The following UBE2E1 variants were observed in gnomAD, a reference collection of about 807,000 sequenced individuals.
The protein encoded by UBE2E1 is ubiquitin conjugating enzyme E2 E1, also known as ubiquitin-conjugating enzyme E2 E1.
A neutral mutation model predicts 21.4 loss-of-function variants in UBE2E1; 6 were observed. The ratio of observed to expected loss-of-function variants is 0.28; its 90% CI spans 0.15 to 0.55. The LOEUF (loss-of-function observed/expected upper bound fraction) is 0.55, where lower values mean the gene tolerates loss of function less well. Ranked by LOEUF, UBE2E1 falls within the 20% of genes least tolerant of loss-of-function variation. The pLI, the probability that UBE2E1 is intolerant of heterozygous loss-of-function variation, is 0.93. For missense variants in UBE2E1, 142 were observed against 236.5 expected, an observed-to-expected ratio of 0.60 and a Z score of 2.62; for synonymous variants, 87 against 82.7, an observed-to-expected ratio of 1.05 and a Z score of -0.28.
chr3:23,814,361 A>G (rs1699465941), intron 3 of UBE2E1, among the ~76,000 whole-genome samples: 3 of 152,188 alleles, frequency 2.0e-5, no homozygotes, highest in Non-Finnish European at 4.4e-5. Context: ...TTGGGTGGAT[A>G]TTTTTTAGAA....
chr3:23,854,426 T>A (rs1700393427), intron 3 of UBE2E1, among the ~76,000 whole-genome samples: 1 of 152,164 alleles, frequency 6.6e-6, no homozygotes, highest in South Asian at 2.1e-4. Context: ...AGAGCCAGTC[T>A]CAAAATGAAG....
chr3:23,826,563 C>A lies in UBE2E1; in HGVS notation c.203+15053C>A, dbSNP rs75428841. 4.9e-3 allele frequency among the ~76,000 whole-genome samples: 741 copies of A among 152,272 alleles called. 6 individuals are homozygous for A. The highest frequency in any genetic ancestry group is 0.027 in the Middle Eastern group (8 of 294). On this transcript the variant is annotated intron_variant, in intron 3 of 5. Coordinates refer to ENST00000306627, the MANE Select transcript of UBE2E1 (RefSeq NM_003341.5). ...GGAACCTCAGCAGTCTGGGAGGCAGCTTGCCAGAACTCCTCCCAGCCCTCA... is the reference window on the plus strand; with the variant it reads ...GGAACCTCAGCAGTCTGGGAGGCAGATTGCCAGAACTCCTCCCAGCCCTCA...
chr3:23,807,205 T>C, intron 1 of UBE2E1, 32 bp from the exon 2 acceptor site: 1 of 1,534,906 alleles, frequency 6.5e-7, no homozygotes, highest in Non-Finnish European at 8.8e-7. Context: ...GCATGGTTTG[T>C]GTGTTTCTGT....
At chr3:23,833,265 A>G (rs1351868367) in intron 3 of UBE2E1, among the ~76,000 whole-genome samples, 1 of 152,096 alleles carries the variant, frequency 6.6e-6, no homozygotes, top group Non-Finnish European at 1.5e-5. Flanking sequence ...GCTTGTTCCT[A>G]ACCTTAAAAA....
At chr3:23,812,307 T>A (rs550054092) in intron 3 of UBE2E1, among the ~76,000 whole-genome samples, 1 of 152,284 alleles carries the variant, frequency 6.6e-6, no homozygotes, top group African/African-American at 2.4e-5. Flanking sequence ...AAAAATTAAG[T>A]ATAACATTTA....
chr3:23,821,538 A>T (rs1283007993), intron 3 of UBE2E1, among the ~76,000 whole-genome samples: 1 of 152,224 alleles, frequency 6.6e-6, no homozygotes, highest in Non-Finnish European at 1.5e-5. Context: ...GAGACCAGAA[A>T]GGAGGGTATT....
At chr3:23,875,524 T>G (rs1476128581) in intron 3 of UBE2E1, among the ~76,000 whole-genome samples, 1 of 152,198 alleles carries the variant, frequency 6.6e-6, no homozygotes, top group Admixed American at 6.5e-5. Context: ...TCCTTGTGCG[T>G]CACAAAAAGT....
intron 5 of UBE2E1, 51 bp downstream of exon 5, chr3:23,889,310 A>G: frequency 6.2e-7 from 1 of 1,611,098 alleles, no homozygotes; most frequent in East Asian, 2.2e-5. Flanking sequence ...CCTGAAAAAT[A>G]CTTGTTTCCA....
At chr3:23,875,197 C>T (rs550870378) in intron 3 of UBE2E1, among the ~76,000 whole-genome samples, 15 of 152,224 alleles carry the variant, frequency 9.9e-5, no homozygotes, top group African/African-American at 3.4e-4. Flanking sequence ...GTAAGACCTA[C>T]GATTGAATGA....
intron 3 of UBE2E1, among the ~76,000 whole-genome samples, chr3:23,855,698 T>C (rs554766729): frequency 3.9e-5 from 6 of 151,926 alleles, no homozygotes; most frequent in South Asian, 2.1e-4. Context: ...GGCGTGGTGG[T>C]GGGCGCCTGT....
Position 23,842,239 on chromosome 3 carries a change from GTGTGTGTGTGGTGT to G in UBE2E1, c.203+30733_203+30746del, listed in dbSNP as rs1559482437. Among the ~76,000 whole-genome samples, 8 of 72,292 alleles carry G rather than the reference GTGTGTGTGTGGTGT, an allele frequency of 1.1e-4. No homozygotes were observed. Among genetic ancestry groups the G allele is most frequent in the African/African-American group, 4.4e-4 (8 of 18,030 alleles). The allele number at this position is 72,292 out of a possible 152,430, so 47.4% of individuals were successfully genotyped here. A position where few individuals can be genotyped will look rare whatever the true frequency, so the allele number is the denominator to read the frequency against. On this transcript the variant is annotated intron_variant, in intron 3 of 5. Coordinates refer to ENST00000306627, the MANE Select transcript of UBE2E1 (RefSeq NM_003341.5). The surrounding 1 kb of genome is among the most constrained non-coding windows in gnomAD (Gnocchi z 4.6). ...TGTGTGTGTGTGTGTGTGTGTGTGT[GTGTGTGTGTGGTGT>G]TGTTGTTGTTGGCGACAGGGTCTCA...
At chr3:23,885,936 C>A (rs903186029) in intron 3 of UBE2E1, among the ~76,000 whole-genome samples, 3 of 152,090 alleles carry the variant, frequency 2.0e-5, no homozygotes, top group Non-Finnish European at 4.4e-5. Flanking sequence ...GTGGCTTACA[C>A]TTATAATCCC....
chr3:23,819,744 G>C (rs898552764), intron 3 of UBE2E1, among the ~76,000 whole-genome samples: 4 of 152,172 alleles, frequency 2.6e-5, no homozygotes, highest in Non-Finnish European at 5.9e-5. Flanking sequence ...GCTGTCCATT[G>C]CTGGCAGTCT....
intron 3 of UBE2E1, among the ~76,000 whole-genome samples, chr3:23,850,325 T>A (rs957244390): frequency 1.3e-5 from 2 of 152,116 alleles, no homozygotes; most frequent in African/African-American, 4.8e-5. Context: ...TTATTCCAGA[T>A]AAAAGTACTT....
chr3:23,885,792 G>A (rs1011550930), intron 3 of UBE2E1, among the ~76,000 whole-genome samples: 2 of 152,112 alleles, frequency 1.3e-5, no homozygotes, highest in African/African-American at 4.8e-5. Flanking sequence ...CCCGGGAGGC[G>A]GAGGTTGCAT....
chr3:23,842,246 T>TGTGTGTGTG lies in UBE2E1; in HGVS notation c.203+30739_203+30740insTGTGTGGTG, dbSNP rs759418034. On this transcript the variant is annotated intron_variant, in intron 3 of 5. Transcript: ENST00000306627. The surrounding 1 kb of genome is among the most constrained non-coding windows in gnomAD (Gnocchi z 4.6). ...GTGTGTGTGTGTGTGTGTGTGTGTG[T>TGTGTGTGTG]GTGGTGTTGTTGTTGTTGGCGACAG... is the stretch of plus-strand genomic sequence containing the variant. 8.2e-3 allele frequency among the ~76,000 whole-genome samples: 301 copies of TGTGTGTGTG among 36,738 alleles called. 4 individuals carry two copies. The highest frequency in any genetic ancestry group is 0.022 in the African/African-American group (276 of 12,738). 24.1% of individuals were successfully genotyped at this position (36,738 alleles called of 152,430 possible).
intron 2 of UBE2E1, 27 bp downstream of exon 2, chr3:23,807,448 G>A (rs201307853): frequency 6.3e-6 from 10 of 1,595,190 alleles, no homozygotes; most frequent in Admixed American, 1.9e-5. Context: ...TTTTTCCACA[G>A]GCTTCCTATT....
intron 2 of UBE2E1, chr3:23,807,977 AAATG>A (rs1371037920): frequency 1.3e-5 from 2 of 152,254 alleles, no homozygotes. Context: ...GAGTTGAGGC[AAATG>A]AATGAATCAG....
At chr3:23,856,945 G>A (rs1438606553) in intron 3 of UBE2E1, among the ~76,000 whole-genome samples, 1 of 149,984 alleles carries the variant, frequency 6.7e-6, no homozygotes, top group African/African-American at 2.5e-5. Flanking sequence ...TGAGGTTGCA[G>A]TGCGCTGTGA....
Sources: allele counts gnomAD v4.1 joint callset (sites outside exome capture counted in the v4.1 genomes callset), GRCh38; gene constraint gnomAD v4.1.1; non-coding constraint Gnocchi (gnomAD v3.1); transcripts MANE v1.5; gene names NCBI Gene and HGNC (gene_info 2026-07-23, HGNC 2026-07-21).